The following F13A1 variants were observed in gnomAD, a reference collection of about 807,000 sequenced individuals.
F13A1 encodes FSF, A subunit.
F13A1 carries 47 observed loss-of-function variants against 80.1 expected under a neutral mutation model. That is an observed-to-expected ratio of 0.59 (90% CI 0.46 to 0.75). F13A1 has a LOEUF of 0.75. Among genes scored for constraint, F13A1 ranks in the 30% least tolerant of loss-of-function variants. The pLI is 0.00. For missense variants in F13A1, 817 were observed against 930.4 expected (o/e 0.88, Z 1.59); for synonymous variants, 349 against 344.9 (o/e 1.01, Z -0.13).
intron 8 of F13A1, among the ~76,000 whole-genome samples, chr6:6,211,894 C>T (rs188213831): frequency 2.6e-5 from 4 of 152,348 alleles, no homozygotes; most frequent in East Asian, 3.9e-4. Context: ...GAGTTCCCTT[C>T]CCGAGTCAAA....
intron 8 of F13A1, among the ~76,000 whole-genome samples, chr6:6,216,077 A>G (rs1353973348): frequency 8.1e-5 from 12 of 148,642 alleles, no homozygotes; most frequent in African/African-American, 3.0e-4. Flanking sequence ...GCAAGAATCA[A>G]TATCGTGAAA....
At chr6:6,312,704 T>C (rs1466395228) in intron 2 of F13A1, among the ~76,000 whole-genome samples, 1 of 144,790 alleles carries the variant, frequency 6.9e-6, no homozygotes, top group Non-Finnish European at 1.5e-5. Context: ...AAGTCTGTCT[T>C]AAAATGATTT....
chr6:6,283,658 T>C (rs1280689668), intron 3 of F13A1, among the ~76,000 whole-genome samples: 1 of 152,194 alleles, frequency 6.6e-6, no homozygotes, highest in Non-Finnish European at 1.5e-5. Context: ...TTATCCTGTA[T>C]ATTCATGTCC....
At chr6:6,194,228 C>G (rs1024363404) in intron 10 of F13A1, among the ~76,000 whole-genome samples, 2 of 152,150 alleles carry the variant, frequency 1.3e-5, no homozygotes, top group Non-Finnish European at 1.5e-5. Context: ...AGTGAAAACT[C>G]TCCCTCACTT....
intron 10 of F13A1, among the ~76,000 whole-genome samples, chr6:6,193,667 A>C (rs555596604): frequency 6.6e-6 from 1 of 152,212 alleles, no homozygotes; most frequent in Admixed American, 6.5e-5. Flanking sequence ...TCTATATTTA[A>C]TAATAGCAAA....
Position 6,185,223 on chromosome 6 carries a change from G to A in F13A1, c.1306-3082C>T, listed in dbSNP as rs553798662. Among the ~76,000 whole-genome samples, 4 of 150,946 alleles carry A rather than the reference G, an allele frequency of 2.6e-5. No individual in the cohort carries two copies. The East Asian group carries it at 5.9e-4, about 22-fold the overall frequency. On this transcript the variant is annotated intron_variant, in intron 10 of 14. Coordinates refer to ENST00000264870, the MANE Select transcript of F13A1 (RefSeq NM_000129.4). Reference sequence around the variant, plus strand: ...TATACATGTGCCATGCTGGTGCGCTGCACCCACTAACTCGTCATCTAGCAT... The same window carrying A: ...TATACATGTGCCATGCTGGTGCGCTACACCCACTAACTCGTCATCTAGCAT...
At chr6:6,184,742 GC>G (rs1009787573) in intron 10 of F13A1, among the ~76,000 whole-genome samples, 5 of 152,142 alleles carry the variant, frequency 3.3e-5, no homozygotes, top group South Asian at 2.1e-4. Flanking sequence ...GCTGATTCCT[GC>G]CCCCCCACCT....
intron 3 of F13A1, among the ~76,000 whole-genome samples, chr6:6,284,760 A>T (rs945910948): frequency 6.6e-6 from 1 of 152,212 alleles, no homozygotes; most frequent in Non-Finnish European, 1.5e-5. Flanking sequence ...TCCTCCTTGC[A>T]TGGAGGGTAC....
chr6:6,175,008 T>C (rs1760856897), intron 11 of F13A1, 141 bp from the exon 12 acceptor site: 3 of 1,004,886 alleles, frequency 3.0e-6, no homozygotes, highest in Non-Finnish European at 3.0e-6. Flanking sequence ...GAGGGTGCCG[T>C]CATTATTCCT....
chr6:6,306,527 C>G (rs373637053), intron 2 of F13A1, among the ~76,000 whole-genome samples: 4 of 152,218 alleles, frequency 2.6e-5, no homozygotes, highest in Non-Finnish European at 5.9e-5. Context: ...TGCCCTTTTC[C>G]CCTTCCCCTC....
chr6:6,261,350 G>T (rs1017444755), intron 4 of F13A1, among the ~76,000 whole-genome samples: 2 of 152,166 alleles, frequency 1.3e-5, no homozygotes, highest in African/African-American at 4.8e-5. Flanking sequence ...GAACTCCTGG[G>T]CCCAAGCAAT....
At chr6:6,145,821 T>A in intron 14 of F13A1, 49 bp from the exon 15 acceptor site, 1 of 1,613,418 alleles carries the variant, frequency 6.2e-7, no homozygotes, top group South Asian at 1.1e-5. Context: ...AGCTTTCCAC[T>A]TTGATCAGGA....
At chr6:6,194,422 G>C (rs1024833082) in intron 10 of F13A1, among the ~76,000 whole-genome samples, 2 of 152,090 alleles carry the variant, frequency 1.3e-5, no homozygotes, top group Non-Finnish European at 2.9e-5. Flanking sequence ...CCTTCCTCTG[G>C]CTTCTTTCTA....
chr6:6,169,545 C>T (rs556636804), intron 12 of F13A1: 1 of 153,792 alleles, frequency 6.5e-6, no homozygotes, highest in African/African-American at 2.4e-5. Context: ...TCCTGAGAAC[C>T]CCATCAATCC....
At chr6:6,270,281 A>G (rs1003171092) in intron 3 of F13A1, among the ~76,000 whole-genome samples, 1 of 152,192 alleles carries the variant, frequency 6.6e-6, no homozygotes, top group Non-Finnish European at 1.5e-5. Context: ...AGAAAATACC[A>G]TCACCTAGCT....
intron 4 of F13A1, among the ~76,000 whole-genome samples, chr6:6,265,243 G>A (rs1313531938): frequency 1.3e-5 from 2 of 152,192 alleles, no homozygotes; most frequent in South Asian, 2.1e-4. Flanking sequence ...CACATACAAG[G>A]ATCATTCAAA....
chr6:6,308,609 T>TC (rs925365481), intron 2 of F13A1, among the ~76,000 whole-genome samples: 2 of 94,162 alleles, frequency 2.1e-5, no homozygotes, highest in African/African-American at 7.6e-5. Flanking sequence ...ACACATTCTT[T>TC]TTTTTTTTTT....
chr6:6,183,650 G>T (rs557021900), intron 10 of F13A1, among the ~76,000 whole-genome samples: 1 of 152,308 alleles, frequency 6.6e-6, no homozygotes, highest in South Asian at 2.1e-4. Context: ...TACCATGAAA[G>T]AATAAGTACA....
chr6:6,211,802 C>T (rs934265931), intron 8 of F13A1, among the ~76,000 whole-genome samples: 35 of 152,156 alleles, frequency 2.3e-4, no homozygotes, highest in African/African-American at 7.2e-4. Flanking sequence ...AGACAGTGGG[C>T]GCAGGTTAGT....
Sources: allele counts gnomAD v4.1 joint callset (sites outside exome capture counted in the v4.1 genomes callset), GRCh38; gene constraint gnomAD v4.1.1; transcripts MANE v1.5; gene names NCBI Gene and HGNC (gene_info 2026-07-23, HGNC 2026-07-21).